The following JAGN1 variants were observed in gnomAD, a reference collection of about 807,000 sequenced individuals.
JAGN1 encodes protein jagunal homolog 1.
Under a neutral mutation model 17.1 loss-of-function variants are expected in JAGN1, and 13 were observed. The ratio of observed to expected loss-of-function variants is 0.76; its 90% CI spans 0.49 to 1.21. The LOEUF (loss-of-function observed/expected upper bound fraction) is 1.21. JAGN1 is among the 50% of genes most tolerant of loss of function. JAGN1 has a pLI of 0.00. For missense variants in JAGN1, 256 were observed against 234.2 expected, an observed-to-expected ratio of 1.09 and a Z score of -0.61; for synonymous variants, 111 against 91.0, an observed-to-expected ratio of 1.22 and a Z score of -1.25.
intron 1 of JAGN1, 89 bp from the exon 2 acceptor site, chr3:9,892,826 T>A: frequency 1.3e-6 from 1 of 786,512 alleles, no homozygotes; most frequent in South Asian, 1.8e-5. Context: ...TATTCAAATT[T>A]GTATCCCAGT....
chr3:9,891,139 C>T (rs1289485249), intron 1 of JAGN1, among the ~76,000 whole-genome samples: 3 of 152,250 alleles, frequency 2.0e-5, no homozygotes, highest in African/African-American at 4.8e-5. Context: ...GCCTCAGCTT[C>T]CTCATCTGTA....
Position 9,893,419 on chromosome 3 carries a change from GGA to G in JAGN1, c.*43_*44del, listed in dbSNP as rs1394854161. On this transcript the variant is annotated 3_prime_UTR_variant, in exon 2 of 2. Coordinates refer to ENST00000647897, the MANE Select transcript of JAGN1 (RefSeq NM_032492.4). Reference sequence around the variant, plus strand: ...AGCCTGGACATCCCATCGAATGAAAGGACACTAGTACAGCGGTTCCAAAATCC... The same window carrying G: ...AGCCTGGACATCCCATCGAATGAAAGCACTAGTACAGCGGTTCCAAAATCC... 1 of 1,463,746 alleles carries G rather than the reference GGA, an allele frequency of 6.8e-7. No homozygotes were observed. The allele number at this position is 1,463,746 out of a possible 1,614,324, so 90.7% of individuals were successfully genotyped here.
chr3:9,892,094 G>C (rs1004625804), intron 1 of JAGN1, among the ~76,000 whole-genome samples: 5 of 152,078 alleles, frequency 3.3e-5, no homozygotes, highest in African/African-American at 1.2e-4. Context: ...CAGCTCACTT[G>C]TAAGCTCCGC....
chr3:9,892,061 G>A (rs181984439), intron 1 of JAGN1, among the ~76,000 whole-genome samples: 3 of 152,140 alleles, frequency 2.0e-5, no homozygotes, highest in Admixed American at 2.0e-4. Context: ...TGTCGCCCAG[G>A]CTGGAGTGCA....
chr3:9,891,841 G>C (rs966751284), intron 1 of JAGN1, among the ~76,000 whole-genome samples: 3 of 152,082 alleles, frequency 2.0e-5, no homozygotes, highest in African/African-American at 7.2e-5. Flanking sequence ...AGAAGAATAA[G>C]ATAAGTATGT....
At chr3:9,892,265 C>T (rs907150092) in intron 1 of JAGN1, among the ~76,000 whole-genome samples, 1 of 152,204 alleles carries the variant, frequency 6.6e-6, no homozygotes, top group African/African-American at 2.4e-5. Context: ...ATCTGCCCGC[C>T]TCGGCCTCCC....
Position 9,893,497 on chromosome 3 carries a change from C to A in JAGN1, c.*120C>A. 1 of 802,686 alleles carries A rather than the reference C, an allele frequency of 1.2e-6. No individual in the cohort carries two copies. The highest frequency in any genetic ancestry group is 1.9e-6 in the Non-Finnish European group (1 of 522,404). The allele number at this position is 802,686 out of a possible 1,614,324, so 49.7% of individuals were successfully genotyped here. On this transcript the variant is annotated 3_prime_UTR_variant, in exon 2 of 2. Transcript: ENST00000647897. ...TGTTGGTACCTGGTGCAGACCAGGC[C>A]AAAGTTCTGGAAAGCTCCTTTTGCC...
chr3:9,892,667 C>T, intron 1 of JAGN1: 1 of 510,300 alleles, frequency 2.0e-6, no homozygotes, highest in Admixed American at 3.7e-5. Flanking sequence ...CTCTAGATAG[C>T]CATCTCTGAC....
intron 1 of JAGN1, among the ~76,000 whole-genome samples, chr3:9,891,338 TC>T (rs1352997130): frequency 3.3e-5 from 5 of 152,094 alleles, no homozygotes; most frequent in Non-Finnish European, 5.9e-5. Context: ...TTATAAACAC[TC>T]CCACGTAAGG....
Position 9,893,113 on chromosome 3 carries a change from C to T in JAGN1, c.288C>T (p.Asn96=). ...LLGLLSFPRN[N]ISYLVLSMIS... The stretch of plus-strand genomic sequence containing the variant: ...GCCTTCTCTCCTTTCCCCGCAACAA[C>T]ATTAGCTACCTGGTGCTCTCCATGA... The change falls in exon 2 of 2, where the codon AAC becomes AAT. Residue 96 remains asparagine (N), a synonymous_variant. Transcript: ENST00000647897. 1 of 1,614,220 alleles carries T rather than the reference C, an allele frequency of 6.2e-7. No individual in the cohort carries two copies. Among genetic ancestry groups the T allele is most frequent in the Non-Finnish European group, 8.5e-7 (1 of 1,180,036 alleles).
intron 1 of JAGN1, among the ~76,000 whole-genome samples, chr3:9,891,147 G>A (rs914862840): frequency 6.6e-6 from 1 of 152,248 alleles, no homozygotes; most frequent in Non-Finnish European, 1.5e-5. Flanking sequence ...TTCCTCATCT[G>A]TAGAGGGAGA....
At chr3:9,891,819 C>T (rs2082564356) in intron 1 of JAGN1, among the ~76,000 whole-genome samples, 1 of 151,928 alleles carries the variant, frequency 6.6e-6, no homozygotes, top group African/African-American at 2.4e-5. Context: ...ACGTTTGGGA[C>T]GTGAGAGAAT....
At chr3:9,892,103 G>A (rs1012223513) in intron 1 of JAGN1, among the ~76,000 whole-genome samples, 2 of 152,010 alleles carry the variant, frequency 1.3e-5, no homozygotes, top group African/African-American at 2.4e-5. Context: ...TGTAAGCTCC[G>A]CCTCCCGGGT....
intron 1 of JAGN1, among the ~76,000 whole-genome samples, chr3:9,891,072 G>A (rs532305320): frequency 5.3e-5 from 8 of 152,356 alleles, no homozygotes; most frequent in African/African-American, 1.9e-4. Flanking sequence ...GTGGGCTCCC[G>A]AGTCACGTCG....
chr3:9,892,344 GTT>G (rs1014442597), intron 1 of JAGN1, among the ~76,000 whole-genome samples: 1 of 147,842 alleles, frequency 6.8e-6, no homozygotes, highest in Non-Finnish European at 1.5e-5. Context: ...TATTGTTGTT[GTT>G]TTTTTTTTTT....
chr3:9,893,344 G>T lies in JAGN1; in HGVS notation c.519G>T (p.Trp173Cys), dbSNP rs1043365547. The T allele has an allele frequency of 6.2e-7, 1 of 1,613,826 alleles. No individual in the cohort carries two copies. Among genetic ancestry groups the T allele is most frequent in the Non-Finnish European group, 8.5e-7 (1 of 1,179,846 alleles). Residue 173 changes from tryptophan (W) to cysteine (C), a missense_variant, in exon 2 of 2, where the codon TGG becomes TGT. By Grantham distance (215) the Trp-to-Cys change is radical. Transcript: ENST00000647897. ...LYYSKKLLDS[W>C]FTSTQEKKHK The stretch of plus-strand genomic sequence containing the variant: ...ACAGCAAGAAGCTCCTAGACTCTTG[G>T]TTCACCAGCACACAGGAGAAGAAGC...
At chr3:9,891,736 C>A (rs1469137086) in intron 1 of JAGN1, among the ~76,000 whole-genome samples, 2 of 152,160 alleles carry the variant, frequency 1.3e-5, no homozygotes, top group Non-Finnish European at 2.9e-5. Context: ...GCTGAAAGGG[C>A]CCTCACAACT....
At chr3:9,892,553 A>G (rs1261354946) in intron 1 of JAGN1, among the ~76,000 whole-genome samples, 2 of 151,894 alleles carry the variant, frequency 1.3e-5, no homozygotes, top group African/African-American at 2.4e-5. Context: ...ACACATAACC[A>G]CTTGCTTTCC....
rs1196863980 is a variant in JAGN1 at position 9,894,301 on chromosome 3, A to G, written c.*924A>G. On this transcript the variant is annotated 3_prime_UTR_variant, in exon 2 of 2. Coordinates refer to ENST00000647897, the MANE Select transcript of JAGN1 (RefSeq NM_032492.4). The stretch of plus-strand genomic sequence containing the variant: ...GATGTGGAGCAAGTACATTAAAAAC[A>G]GGAAGGAAGAGATCTGTGATTAAAC... The G allele has an allele frequency of 6.6e-6, 1 of 152,252 alleles. No homozygotes were observed. Among genetic ancestry groups the G allele is most frequent in the Non-Finnish European group, 1.5e-5 (1 of 68,044 alleles). The allele number at this position is 152,252 out of a possible 1,614,324, so 9.4% of individuals were successfully genotyped here.
Sources: allele counts gnomAD v4.1 joint callset (sites outside exome capture counted in the v4.1 genomes callset), GRCh38; gene constraint gnomAD v4.1.1; transcripts MANE v1.5; gene names NCBI Gene and HGNC (gene_info 2026-07-23, HGNC 2026-07-21).